ALPK2: variants seen among roughly 807,000 people sequenced by gnomAD.
ALPK2 encodes alpha-protein kinase 2.
ALPK2 carries 127 observed loss-of-function variants against 163.1 expected under a neutral mutation model. That is an observed-to-expected ratio of 0.78 (90% CI 0.67 to 0.90). The LOEUF is 0.90. Among genes scored for constraint, ALPK2 ranks in the 40% least tolerant of loss-of-function variants. The pLI is 0.00. For missense variants in ALPK2, 2,360 were observed against 2,589.6 expected (o/e 0.91, Z 1.92); for synonymous variants, 953 against 959.1 (o/e 0.99, Z 0.12).
intron 4 of ALPK2, among the ~76,000 whole-genome samples, chr18:58,558,559 A>G (rs987845552): frequency 6.6e-6 from 1 of 152,224 alleles, no homozygotes; most frequent in African/African-American, 2.4e-5. Context: ...TTACCCAGCA[A>G]TTCCACTCTT....
chr18:58,536,705 G>A lies in ALPK2; in HGVS notation c.3482C>T (p.Ser1161Phe). Residue 1161 changes from serine (S) to phenylalanine (F), a missense_variant, in exon 5 of 13, where the codon TCT (serine) becomes TTT (phenylalanine). Coordinates refer to ENST00000361673, the MANE Select transcript of ALPK2 (RefSeq NM_052947.4). ...CAAGTTTCTTTCCTCTTGTGCAGCA[G>A]ATGTCGTAGGCAAACTTTGTTGGAA... ...PDFQQSLPTTSAAQEERNLVP... is the reference protein window; with the variant it reads ...PDFQQSLPTTFAAQEERNLVP... 1 of 1,614,206 alleles carries A rather than the reference G, an allele frequency of 6.2e-7. No individual in the cohort carries two copies. Among genetic ancestry groups the A allele is most frequent in the South Asian group, 1.1e-5 (1 of 91,086 alleles).
chr18:58,612,624 G>A (rs1421267390), intron 1 of ALPK2, among the ~76,000 whole-genome samples: 1 of 152,218 alleles, frequency 6.6e-6, no homozygotes, highest in Non-Finnish European at 1.5e-5. Context: ...GGCTGTGCAG[G>A]CTGACACTTT....
At chr18:58,519,157 G>T (rs1175116018) in intron 8 of ALPK2, among the ~76,000 whole-genome samples, 1 of 152,130 alleles carries the variant, frequency 6.6e-6, no homozygotes, top group Non-Finnish European at 1.5e-5. Context: ...CAATAGCTGG[G>T]TCACAGATTT....
intron 6 of ALPK2, among the ~76,000 whole-genome samples, chr18:58,526,523 G>A (rs9963763): frequency 0.74 from 112,400 of 152,054 alleles, 41,822 homozygotes; most frequent in Middle Eastern, 0.78. Flanking sequence ...GCCGCTCTAC[G>A]TGGACAGCTG....
At chr18:58,626,748 C>T (rs144070586) in intron 1 of ALPK2, among the ~76,000 whole-genome samples, 3 of 151,574 alleles carry the variant, frequency 2.0e-5, no homozygotes, top group African/African-American at 7.3e-5. Flanking sequence ...TTTTAATTTT[C>T]AAACACATTG....
In ALPK2 at chr18:58,573,513, G is replaced by A. The variant is rs570948142; in HGVS notation, c.1962+5301C>T. ...ACGGCCTTGGATTCCCAAAGTACTG[G>A]GATTACAGGCATGAGCCCCTGCACC... On this transcript the variant is annotated intron_variant, in intron 4 of 12. Coordinates refer to ENST00000361673, the MANE Select transcript of ALPK2 (RefSeq NM_052947.4). Among the ~76,000 whole-genome samples the A allele has an allele frequency of 2.0e-5, 3 of 148,084 alleles. No homozygotes were observed. The South Asian group carries it at 6.4e-4, about 31-fold the overall frequency.
chr18:58,493,220 A>G (rs1287281767), intron 12 of ALPK2, among the ~76,000 whole-genome samples: 4 of 152,078 alleles, frequency 2.6e-5, no homozygotes, highest in African/African-American at 7.2e-5. Context: ...CTCAGCTGAA[A>G]TGTTTGGTGT....
At chr18:58,492,281 T>C (rs1010737165) in intron 12 of ALPK2, among the ~76,000 whole-genome samples, 1 of 151,814 alleles carries the variant, frequency 6.6e-6, no homozygotes, top group Non-Finnish European at 1.5e-5. Context: ...CACAGACATA[T>C]ATACGCGCAC....
At chr18:58,614,196 G>T (rs1183208187) in intron 1 of ALPK2, among the ~76,000 whole-genome samples, 1 of 152,182 alleles carries the variant, frequency 6.6e-6, no homozygotes, top group Non-Finnish European at 1.5e-5. Flanking sequence ...AGAGAAAACT[G>T]CTTGGGTGTG....
chr18:58,524,202 G>C, intron 6 of ALPK2, 140 bp from the exon 7 acceptor site: 1 of 1,171,108 alleles, frequency 8.5e-7, no homozygotes, highest in Non-Finnish European at 1.2e-6. Context: ...GCAAAATCAC[G>C]ATCAGCTGTT....
chr18:58,499,055 A>G (rs2051417781), intron 11 of ALPK2, among the ~76,000 whole-genome samples: 1 of 152,186 alleles, frequency 6.6e-6, no homozygotes, highest in Non-Finnish European at 1.5e-5. Context: ...CCGGGAAACA[A>G]TCCTGAGTTC....
rs146711880 is a variant in ALPK2 at position 58,485,740 on chromosome 18, G to T, written c.6297-3701C>A. 3.9e-5 allele frequency among the ~76,000 whole-genome samples: 6 copies of T among 152,338 alleles called. No individual in the cohort carries two copies. The East Asian group carries it at 1.2e-3, about 29-fold the overall frequency. ...CTGAGCGCTCTCTCCCTGGTGAGAC[G>T]CAGGGCCTGCTCCGTCAGGATGGAT... On this transcript the variant is annotated intron_variant, in intron 12 of 12. Coordinates refer to ENST00000361673, the MANE Select transcript of ALPK2 (RefSeq NM_052947.4).
chr18:58,626,180 A>T (rs1360394352), intron 1 of ALPK2, among the ~76,000 whole-genome samples: 1 of 152,140 alleles, frequency 6.6e-6, no homozygotes, highest in Non-Finnish European at 1.5e-5. Context: ...GGGGTATCTC[A>T]GTAAAAACAA....
At chr18:58,543,875 T>C (rs2051704106) in intron 4 of ALPK2, among the ~76,000 whole-genome samples, 1 of 152,162 alleles carries the variant, frequency 6.6e-6, no homozygotes, top group Admixed American at 6.5e-5. Context: ...CAACCCAGCA[T>C]TTCTAATCAG....
At chr18:58,602,602 T>C (rs1281257571) in intron 3 of ALPK2, among the ~76,000 whole-genome samples, 1 of 152,132 alleles carries the variant, frequency 6.6e-6, no homozygotes, top group East Asian at 1.9e-4. Flanking sequence ...TTTTCCCTTT[T>C]TAAAAGTATA....
chr18:58,613,065 C>G (rs1364397817), intron 1 of ALPK2, among the ~76,000 whole-genome samples: 1 of 152,084 alleles, frequency 6.6e-6, no homozygotes, highest in Non-Finnish European at 1.5e-5. Context: ...AAAGGGACAC[C>G]CCTTTCCATA....
At chr18:58,526,514 C>T (rs895087960) in intron 6 of ALPK2, among the ~76,000 whole-genome samples, 4 of 152,180 alleles carry the variant, frequency 2.6e-5, no homozygotes, top group African/African-American at 9.7e-5. Context: ...ATCAGTAGGG[C>T]CGCTCTACGT....
In ALPK2 at chr18:58,538,220, T is replaced by C; in HGVS notation, c.1967A>G (p.Gln656Arg). 1 of 1,608,302 alleles carries C rather than the reference T, an allele frequency of 6.2e-7. No individual in the cohort carries two copies. Among genetic ancestry groups the C allele is most frequent in the East Asian group, 2.2e-5 (1 of 44,866 alleles). Residue 656 changes from glutamine (Q) to arginine (R), a missense_variant, in exon 5 of 13, where the codon CAA becomes CGA. Coordinates refer to ENST00000361673, the MANE Select transcript of ALPK2 (RefSeq NM_052947.4). ...VPDWSDPPQVQVQETVRETIS... is the reference protein window; with the variant it reads ...VPDWSDPPQVRVQETVRETIS... ...TGTCTCTCTGACTGTTTCCTGAACTTGTACCTAGGAAGATGAAAAGTGATA... is the reference window on the plus strand; with the variant it reads ...TGTCTCTCTGACTGTTTCCTGAACTCGTACCTAGGAAGATGAAAAGTGATA...
intron 8 of ALPK2, among the ~76,000 whole-genome samples, chr18:58,521,978 C>G (rs1035077794): frequency 6.6e-6 from 1 of 152,136 alleles, no homozygotes; most frequent in Non-Finnish European, 1.5e-5. Context: ...TTTTGATACA[C>G]TGGATGTGAC....
Sources: gnomAD v4.1 joint callset for allele counts (sites outside exome capture counted in the v4.1 genomes callset) on GRCh38, gnomAD v4.1.1 for gene constraint, MANE v1.5 for transcripts, NCBI Gene and HGNC (gene_info 2026-07-23, HGNC 2026-07-21) for gene names.